PCSK2: variants seen among roughly 807,000 people sequenced by gnomAD.
PCSK2 encodes the protein neuroendocrine convertase 2.
A neutral mutation model predicts 69.7 loss-of-function variants in PCSK2; 14 were observed. That is an observed-to-expected ratio of 0.20 (90% CI 0.13 to 0.31). PCSK2 has a LOEUF of 0.31. Ranked by LOEUF, PCSK2 falls within the 10% of genes least tolerant of loss-of-function variation. The pLI is 1.00. For synonymous variants in PCSK2, 307 were observed against 320.7 expected, an observed-to-expected ratio of 0.96 and a Z score of 0.46; for missense variants, 544 against 842.5, an observed-to-expected ratio of 0.65 and a Z score of 4.39.
intron 1 of PCSK2, among the ~76,000 whole-genome samples, chr20:17,241,665 T>A (rs767969558): frequency 2.6e-5 from 4 of 152,228 alleles, no homozygotes; most frequent in Non-Finnish European, 5.9e-5. Context: ...GATTAATTAT[T>A]GTCCTTGTAG....
At chr20:17,441,607 G>T (rs908885035) in intron 8 of PCSK2, among the ~76,000 whole-genome samples, 3 of 152,160 alleles carry the variant, frequency 2.0e-5, no homozygotes, top group African/African-American at 7.2e-5. Flanking sequence ...AAGGTGAAAG[G>T]CATGTCTTAC....
chr20:17,427,807 A>G (rs2123334689), intron 6 of PCSK2, among the ~76,000 whole-genome samples: 1 of 152,300 alleles, frequency 6.6e-6, no homozygotes, highest in East Asian at 1.9e-4. Flanking sequence ...CTGGGGTGTC[A>G]GGCATTACAG....
intron 2 of PCSK2, among the ~76,000 whole-genome samples, chr20:17,304,278 T>A (rs537635099): frequency 6.3e-4 from 96 of 152,246 alleles, no homozygotes; most frequent in African/African-American, 2.2e-3. Context: ...GATCCTAATG[T>A]CTAGATATAT....
intron 2 of PCSK2, among the ~76,000 whole-genome samples, chr20:17,337,006 C>T (rs1224962908): frequency 1.3e-5 from 2 of 152,130 alleles, no homozygotes; most frequent in Non-Finnish European, 2.9e-5. Context: ...TAGAGGACAT[C>T]CAAGAAACCA....
intron 2 of PCSK2, among the ~76,000 whole-genome samples, chr20:17,324,673 C>A (rs1394505317): frequency 6.6e-6 from 1 of 152,048 alleles, no homozygotes; most frequent in Non-Finnish European, 1.5e-5. Context: ...ATCAGTAGCC[C>A]CCATGGAACT....
intron 6 of PCSK2, among the ~76,000 whole-genome samples, chr20:17,428,539 G>A (rs372434453): frequency 6.6e-6 from 1 of 152,118 alleles, no homozygotes; most frequent in South Asian, 2.1e-4. Context: ...AAAATTCCTA[G>A]GGATATGTAG....
intron 2 of PCSK2, among the ~76,000 whole-genome samples, chr20:17,335,880 G>GTGTGTGTGTA (rs1555789155): frequency 5.1e-4 from 78 of 151,752 alleles, no homozygotes; most frequent in African/African-American, 1.8e-3. Context: ...GTGTGTGTGT[G>GTGTGTGTGTA]TGTGTGTGTG....
intron 11 of PCSK2, among the ~76,000 whole-genome samples, chr20:17,476,606 A>G (rs1568666285): frequency 1.3e-5 from 2 of 152,222 alleles, no homozygotes; most frequent in Non-Finnish European, 2.9e-5. Flanking sequence ...ATGTGCATAT[A>G]TAATGTATAT....
In PCSK2 at chr20:17,481,766, G is replaced by A. The variant is rs775656155; in HGVS notation, c.1613G>A (p.Arg538Gln). 8 of 1,614,134 alleles carry A rather than the reference G, an allele frequency of 5.0e-6. No individual in the cohort carries two copies. Among genetic ancestry groups the A allele is most frequent in the Non-Finnish European group, 5.9e-6 (7 of 1,180,036 alleles). Residue 538 changes from arginine (R) to glutamine (Q), a missense_variant, in exon 12 of 12, where the codon CGG becomes CAG. Coordinates refer to ENST00000262545, the MANE Select transcript of PCSK2 (RefSeq NM_002594.5). ...GGCACCAAGTCCATTTTGCTGAGCCGGCGTCCAAGGGATGACGACTCCAAG... is the reference window on the plus strand; with the variant it reads ...GGCACCAAGTCCATTTTGCTGAGCCAGCGTCCAAGGGATGACGACTCCAAG... Reference protein sequence around the residue: ...PMGTKSILLSRRPRDDDSKVG... With the variant: ...PMGTKSILLSQRPRDDDSKVG...
At chr20:17,259,001 AAAAAT>A (rs770422394) in intron 1 of PCSK2, among the ~76,000 whole-genome samples, 4 of 151,772 alleles carry the variant, frequency 2.6e-5, no homozygotes, top group Non-Finnish European at 5.9e-5. Flanking sequence ...TCTTTATATT[AAAAAT>A]AAAATAATAA....
At chr20:17,455,237 G>T (rs967182347) in intron 9 of PCSK2, among the ~76,000 whole-genome samples, 2 of 151,998 alleles carry the variant, frequency 1.3e-5, no homozygotes, top group Non-Finnish European at 2.9e-5. Flanking sequence ...CTATAATTTT[G>T]CTCAATAGAT....
intron 2 of PCSK2, among the ~76,000 whole-genome samples, chr20:17,329,610 G>C (rs1048314354): frequency 8.5e-5 from 13 of 152,106 alleles, no homozygotes; most frequent in African/African-American, 2.9e-4. Flanking sequence ...TAAAAACTTC[G>C]CTCTCTCAGC....
At chr20:17,425,599 T>G (rs2876456) in intron 6 of PCSK2, among the ~76,000 whole-genome samples, 100,412 of 152,028 alleles carry the variant, frequency 0.66, 33,375 homozygotes, top group Middle Eastern at 0.75. Context: ...TGCTAGTTCA[T>G]GTTATCCTAG....
chr20:17,283,263 G>C (rs1203273157), intron 2 of PCSK2, among the ~76,000 whole-genome samples: 1 of 152,194 alleles, frequency 6.6e-6, no homozygotes, highest in Non-Finnish European at 1.5e-5. Flanking sequence ...TAGGTAAAGA[G>C]ACTACAGAAT....
chr20:17,249,483 G>T (rs1249856909), intron 1 of PCSK2, among the ~76,000 whole-genome samples: 2 of 146,724 alleles, frequency 1.4e-5, no homozygotes, highest in Non-Finnish European at 3.0e-5. Flanking sequence ...CTCCAGACTG[G>T]GAGAGAGCGA....
intron 5 of PCSK2, among the ~76,000 whole-genome samples, chr20:17,399,074 G>A (rs995973036): frequency 1.3e-5 from 2 of 152,228 alleles, no homozygotes; most frequent in South Asian, 2.1e-4. Context: ...TTGGCTGAAT[G>A]CATGAATGAA....
intron 2 of PCSK2, among the ~76,000 whole-genome samples, chr20:17,336,457 T>A (rs906061241): frequency 6.6e-6 from 1 of 152,242 alleles, no homozygotes; most frequent in Admixed American, 6.5e-5. Flanking sequence ...TGTCACTGAA[T>A]GATGGGAGGC....
chr20:17,274,034 A>G (rs1476376762), intron 2 of PCSK2, among the ~76,000 whole-genome samples: 2 of 152,154 alleles, frequency 1.3e-5, no homozygotes, highest in Non-Finnish European at 2.9e-5. Context: ...AAAAGAAGCT[A>G]AGAAGTGTGG....
intron 2 of PCSK2, among the ~76,000 whole-genome samples, chr20:17,335,997 G>A (rs1230982573): frequency 6.6e-6 from 1 of 151,868 alleles, no homozygotes; most frequent in African/African-American, 2.4e-5. Context: ...CCTATTTCAT[G>A]ATAAATCAGT....
Sources: allele counts gnomAD v4.1 joint callset (sites outside exome capture counted in the v4.1 genomes callset), GRCh38; gene constraint gnomAD v4.1.1; transcripts MANE v1.5; gene names NCBI Gene and HGNC (gene_info 2026-07-23, HGNC 2026-07-21).